Variants in ANK3 observed in about 807,000 individuals in gnomAD.
ANK3 encodes the protein ankyrin-3.
In ANK3, 57 loss-of-function variants were observed where a neutral mutation model predicts 370.9. The observed-to-expected ratio is 0.15, with a 90% confidence interval of 0.12 to 0.19. The LOEUF (loss-of-function observed/expected upper bound fraction) is 0.19, where lower values mean the gene tolerates loss of function less well. Among genes scored for constraint, ANK3 ranks in the 10% least tolerant of loss-of-function variants. ANK3 has a pLI of 1.00. For synonymous variants in ANK3, 1,929 were observed against 1,946.3 expected, an observed-to-expected ratio of 0.99 and a Z score of 0.23; for missense variants, 4,439 against 5,302.1, an observed-to-expected ratio of 0.84 and a Z score of 5.06.
At chr10:60,600,730 G>T (rs1029057162) in intron 2 of ANK3, among the ~76,000 whole-genome samples, 9 of 152,012 alleles carry the variant, frequency 5.9e-5, no homozygotes, top group Non-Finnish European at 8.8e-5. Flanking sequence ...AAGTTACAAG[G>T]TTATATGTAA....
intron 1 of ANK3, among the ~76,000 whole-genome samples, chr10:60,644,167 G>T (rs2078675925): frequency 6.6e-6 from 1 of 152,034 alleles, no homozygotes; most frequent in African/African-American, 2.4e-5. Context: ...AATGTAAGAT[G>T]ACTTCTCGTC....
chr10:60,390,959 T>C (rs182980210), upstream of ANK3, among the ~76,000 whole-genome samples: 1 of 152,264 alleles, frequency 6.6e-6, no homozygotes, highest in Admixed American at 6.5e-5. Context: ...GAGGATTTGG[T>C]TGGGGTTCTC....
At chr10:60,248,116 T>C (rs1479788363) in intron 7 of ANK3, among the ~76,000 whole-genome samples, 2 of 152,248 alleles carry the variant, frequency 1.3e-5, no homozygotes, top group African/African-American at 4.8e-5. Context: ...TTTTGGCTAC[T>C]GTGAATAATG....
At chr10:60,447,624 C>T (rs763770955) in intron 2 of ANK3, among the ~76,000 whole-genome samples, 1 of 152,118 alleles carries the variant, frequency 6.6e-6, no homozygotes, top group African/African-American at 2.4e-5. Flanking sequence ...GGGCAAAATG[C>T]ACCATGCCAA....
At chr10:60,679,650 C>A (rs909417817) in intron 1 of ANK3, among the ~76,000 whole-genome samples, 1 of 152,114 alleles carries the variant, frequency 6.6e-6, no homozygotes, top group Non-Finnish European at 1.5e-5. Flanking sequence ...ATGCGGATAG[C>A]CTACCCCAAG....
At chr10:60,226,012 G>C (rs1427355915) in intron 8 of ANK3, among the ~76,000 whole-genome samples, 1 of 143,486 alleles carries the variant, frequency 7.0e-6, no homozygotes, top group African/African-American at 2.6e-5. Context: ...AATGTAATAA[G>C]ATAATTGTAT....
rs1033604594 is a variant in ANK3 at position 60,733,327 on chromosome 10, G to GGCT, written c.-11_-9dup. The GGCT allele has an allele frequency of 2.3e-5, 28 of 1,233,748 alleles. 1 individual carries two copies. The highest frequency in any genetic ancestry group is 2.8e-4 in the Middle Eastern group (1 of 3,522). The allele number at this position is 1,233,748 out of a possible 1,614,324, so 76.4% of individuals were successfully genotyped here. A position where few individuals can be genotyped will look rare whatever the true frequency, so the allele number is the denominator to read the frequency against. ...GGAGGCGGAGGAGGCCATGTTGTGG[G>GGCT]GCTGCTGCTGCTGCTCCTTCCAGGA... On this transcript the variant is annotated 5_prime_UTR_variant, in exon 1 of 44. Coordinates refer to the ANK3 transcript ENST00000373827.
At chr10:60,068,603 A>G (rs2082079529) in intron 37 of ANK3, 34 bp downstream of exon 37, 1 of 1,553,016 alleles carries the variant, frequency 6.4e-7, no homozygotes, top group Middle Eastern at 1.7e-4. Context: ...ATGTGAGCAG[A>G]GTGCTCGAGA....
chr10:60,037,358 C>T (rs1446058259), intron 43 of ANK3, among the ~76,000 whole-genome samples: 1 of 152,124 alleles, frequency 6.6e-6, no homozygotes, highest in Non-Finnish European at 1.5e-5. Flanking sequence ...TTATTAAGTT[C>T]AAGGGTACAT....
At chr10:60,183,665 C>A (rs2096256022) in intron 17 of ANK3, among the ~76,000 whole-genome samples, 1 of 151,964 alleles carries the variant, frequency 6.6e-6, no homozygotes, top group African/African-American at 2.4e-5. Flanking sequence ...TTGAGACCAG[C>A]CTGACCTACA....
At chr10:60,437,236 G>A (rs1315537200) in intron 2 of ANK3, among the ~76,000 whole-genome samples, 2 of 152,142 alleles carry the variant, frequency 1.3e-5, no homozygotes, top group African/African-American at 2.4e-5. Flanking sequence ...AGGACTCAGC[G>A]CTGGCCAGAC....
chr10:60,090,082 G>C (rs1410261672), intron 28 of ANK3, among the ~76,000 whole-genome samples: 1 of 152,052 alleles, frequency 6.6e-6, no homozygotes, highest in Non-Finnish European at 1.5e-5. Flanking sequence ...CAGCACTTTG[G>C]GAGGCCGAGG....
chr10:60,482,392 C>T (rs779337403), intron 2 of ANK3, among the ~76,000 whole-genome samples: 1 of 152,172 alleles, frequency 6.6e-6, no homozygotes, highest in Non-Finnish European at 1.5e-5. Flanking sequence ...GCCAGTTTCT[C>T]CTTCAGCTAA....
chr10:60,421,843 C>T (rs2063785494), intron 2 of ANK3, among the ~76,000 whole-genome samples: 1 of 152,048 alleles, frequency 6.6e-6, no homozygotes, highest in African/African-American at 2.4e-5. Flanking sequence ...TGGTATCAGT[C>T]AGGTCTGTAT....
intron 26 of ANK3, among the ~76,000 whole-genome samples, chr10:60,113,186 T>C (rs2092836116): frequency 6.6e-6 from 1 of 152,032 alleles, no homozygotes; most frequent in Admixed American, 6.5e-5. Context: ...GTGTAGACAC[T>C]GGTATGTTTT....
At chr10:60,052,353 G>T (rs532909309) in intron 42 of ANK3, among the ~76,000 whole-genome samples, 1 of 152,174 alleles carries the variant, frequency 6.6e-6, no homozygotes, top group South Asian at 2.1e-4. Context: ...AACAAGTAAA[G>T]AATTTATATT....
chr10:60,566,625 C>A (rs928881339), intron 2 of ANK3, among the ~76,000 whole-genome samples: 6 of 152,172 alleles, frequency 3.9e-5, no homozygotes, highest in Admixed American at 2.0e-4. Context: ...GTAATTCCAG[C>A]ACTTTGGAAG....
chr10:60,040,130 T>A (rs72818458), intron 43 of ANK3, among the ~76,000 whole-genome samples: 9,661 of 152,280 alleles, frequency 0.063, 423 homozygotes, highest in Non-Finnish European at 0.098. Context: ...CATTGGCTTT[T>A]CTCTTTAAAA....
intron 2 of ANK3, among the ~76,000 whole-genome samples, chr10:60,411,252 T>C (rs2063554438): frequency 1.3e-5 from 2 of 152,220 alleles, no homozygotes; most frequent in African/African-American, 4.8e-5. Context: ...GGACAAAAAT[T>C]AGGCCAGTTA....
Sources: allele counts gnomAD v4.1 joint callset (sites outside exome capture counted in the v4.1 genomes callset), GRCh38; gene constraint gnomAD v4.1.1; transcripts MANE v1.5; gene names NCBI Gene and HGNC (gene_info 2026-07-23, HGNC 2026-07-21).